TAFA2: variants seen among roughly 807,000 people sequenced by gnomAD.
TAFA2 encodes chemokine-like protein TAFA-2.
In TAFA2, 7 loss-of-function variants were observed where a neutral mutation model predicts 18.8. The ratio of observed to expected loss-of-function variants is 0.37; its 90% CI spans 0.21 to 0.70. TAFA2 has a LOEUF of 0.70. Ranked by LOEUF, TAFA2 falls within the 30% of genes least tolerant of loss-of-function variation. The pLI is 0.53. For missense variants in TAFA2, 122 were observed against 158.1 expected (o/e 0.77, Z 1.23); for synonymous variants, 60 against 54.2 (o/e 1.11, Z -0.47).
At chr12:61,755,919 A>G (rs939176781) in intron 2 of TAFA2, among the ~76,000 whole-genome samples, 5 of 152,146 alleles carry the variant, frequency 3.3e-5, no homozygotes, top group Admixed American at 1.3e-4. Flanking sequence ...AATTAAAAAC[A>G]GCTTAAAATC....
intron 2 of TAFA2, among the ~76,000 whole-genome samples, chr12:61,865,759 CA>C (rs1308088616): frequency 1.3e-5 from 2 of 152,140 alleles, no homozygotes; most frequent in African/African-American, 4.8e-5. Context: ...TGGCTTTGGA[CA>C]GGGGAAAGTA....
At chr12:61,971,990 C>T (rs1409487049) in intron 1 of TAFA2, among the ~76,000 whole-genome samples, 1 of 151,624 alleles carries the variant, frequency 6.6e-6, no homozygotes, top group Admixed American at 6.6e-5. Context: ...TTGATTTCAA[C>T]AAGGATGCCA....
chr12:61,899,768 GA>G (rs1876016583), intron 1 of TAFA2, among the ~76,000 whole-genome samples: 1 of 152,134 alleles, frequency 6.6e-6, no homozygotes, highest in South Asian at 2.1e-4. Context: ...CACCTGTACT[GA>G]AAATGTATAG....
chr12:62,249,539 T>C (rs892830396), intron 1 of TAFA2, among the ~76,000 whole-genome samples: 1 of 152,160 alleles, frequency 6.6e-6, no homozygotes, highest in Non-Finnish European at 1.5e-5. Flanking sequence ...TCTCTCACCA[T>C]GTGATCTTTG....
chr12:61,783,077 T>C (rs1159462285), intron 2 of TAFA2, among the ~76,000 whole-genome samples: 1 of 151,682 alleles, frequency 6.6e-6, no homozygotes, highest in African/African-American at 2.4e-5. Context: ...TTCAACATAC[T>C]TTTACATCAA....
intron 1 of TAFA2, among the ~76,000 whole-genome samples, chr12:61,975,293 T>TC (rs995689158): frequency 2.6e-5 from 4 of 151,712 alleles, no homozygotes; most frequent in African/African-American, 9.7e-5. Flanking sequence ...GACCTACATC[T>TC]CCCCATTCCT....
At chr12:61,724,046 T>G (rs1226817249) in intron 4 of TAFA2, among the ~76,000 whole-genome samples, 4 of 152,112 alleles carry the variant, frequency 2.6e-5, no homozygotes, top group African/African-American at 9.6e-5. Context: ...GGTTCACCAT[T>G]GCCCCAAAAT....
At chr12:62,106,092 G>T (rs1015446193) in intron 1 of TAFA2, among the ~76,000 whole-genome samples, 1 of 152,016 alleles carries the variant, frequency 6.6e-6, no homozygotes, top group Non-Finnish European at 1.5e-5. Flanking sequence ...CAGCACTTAG[G>T]GAGGCCAAGG....
At chr12:61,974,599 G>A (rs1476414521) in intron 1 of TAFA2, among the ~76,000 whole-genome samples, 1 of 151,784 alleles carries the variant, frequency 6.6e-6, no homozygotes, top group Non-Finnish European at 1.5e-5. Context: ...CAGATGGGAA[G>A]ACAAATTAAA....
intron 1 of TAFA2, among the ~76,000 whole-genome samples, chr12:62,248,239 T>C (rs1339538722): frequency 6.6e-6 from 1 of 152,148 alleles, no homozygotes; most frequent in Non-Finnish European, 1.5e-5. Context: ...AGTGCAGGGG[T>C]GGGCCCTTAG....
chr12:61,826,906 T>C (rs1160835571), intron 2 of TAFA2, among the ~76,000 whole-genome samples: 2 of 152,040 alleles, frequency 1.3e-5, no homozygotes, highest in African/African-American at 4.8e-5. Flanking sequence ...AATATTTCAT[T>C]ACAAATATCA....
At chr12:62,113,905 C>A (rs1869844433) in intron 1 of TAFA2, among the ~76,000 whole-genome samples, 1 of 152,222 alleles carries the variant, frequency 6.6e-6, no homozygotes, top group Non-Finnish European at 1.5e-5. Flanking sequence ...AATTTCATCC[C>A]AATGGATCTG....
At chr12:61,872,811 A>G (rs1186197985) in intron 1 of TAFA2, among the ~76,000 whole-genome samples, 2 of 151,978 alleles carry the variant, frequency 1.3e-5, no homozygotes, top group African/African-American at 4.8e-5. Context: ...CTTCACAGAG[A>G]TTATTATGAC....
At chr12:62,202,089 C>G (rs1348654246) in intron 1 of TAFA2, among the ~76,000 whole-genome samples, 5 of 151,900 alleles carry the variant, frequency 3.3e-5, no homozygotes, top group Admixed American at 2.0e-4. Flanking sequence ...GATGATATCC[C>G]CTTTATGATT....
At chr12:62,226,318 C>T (rs1304936088) in intron 1 of TAFA2, among the ~76,000 whole-genome samples, 1 of 152,108 alleles carries the variant, frequency 6.6e-6, no homozygotes, top group African/African-American at 2.4e-5. Flanking sequence ...CTCTGCCTCC[C>T]CAGTAGCTGG....
chr12:61,738,335 A>G (rs1868343991), intron 4 of TAFA2, among the ~76,000 whole-genome samples: 3 of 144,800 alleles, frequency 2.1e-5, no homozygotes, highest in African/African-American at 7.4e-5. Context: ...ACACAAACCT[A>G]GCTCATAAAC....
At chr12:61,832,703 A>C (rs1872763476) in intron 2 of TAFA2, among the ~76,000 whole-genome samples, 1 of 152,188 alleles carries the variant, frequency 6.6e-6, no homozygotes, top group Middle Eastern at 3.4e-3. Flanking sequence ...TCAACCTTGC[A>C]AGCACTCTTT....
intron 1 of TAFA2, among the ~76,000 whole-genome samples, chr12:62,000,264 T>C (rs1012168245): frequency 8.6e-6 from 1 of 116,136 alleles, no homozygotes; most frequent in African/African-American, 2.8e-5. Flanking sequence ...TTATCCTAAC[T>C]ATATTAAGAG....
intron 2 of TAFA2, among the ~76,000 whole-genome samples, chr12:61,798,880 G>A (rs952302759): frequency 1.3e-5 from 2 of 152,160 alleles, no homozygotes; most frequent in Non-Finnish European, 2.9e-5. Flanking sequence ...TAAGATAATT[G>A]ATTACATAAT....
Sources: gnomAD v4.1 joint callset for allele counts (sites outside exome capture counted in the v4.1 genomes callset) on GRCh38, gnomAD v4.1.1 for gene constraint, MANE v1.5 for transcripts, NCBI Gene and HGNC (gene_info 2026-07-23, HGNC 2026-07-21) for gene names.